ALK: variants seen among roughly 807,000 people sequenced by gnomAD.
The protein encoded by ALK is ALK receptor tyrosine kinase.
A neutral mutation model predicts 163.1 loss-of-function variants in ALK; 74 were observed. The ratio of observed to expected loss-of-function variants is 0.45; its 90% CI spans 0.38 to 0.55. The LOEUF (loss-of-function observed/expected upper bound fraction) is 0.55, where lower values mean the gene tolerates loss of function less well. Among genes scored for constraint, ALK ranks in the 20% least tolerant of loss-of-function variants. The pLI is 0.00. For missense variants in ALK, 2,063 were observed against 2,105.3 expected, an observed-to-expected ratio of 0.98 and a Z score of 0.39; for synonymous variants, 960 against 843.2, an observed-to-expected ratio of 1.14 and a Z score of -2.40.
intron 1 of ALK, among the ~76,000 whole-genome samples, chr2:29,727,308 C>T (rs1254946107): frequency 1.3e-5 from 2 of 152,172 alleles, no homozygotes; most frequent in South Asian, 4.1e-4. Context: ...CCCTCTTTAT[C>T]TACTTGTCAC....
At chr2:29,585,829 C>A (rs1443469377) in intron 3 of ALK, among the ~76,000 whole-genome samples, 1 of 151,696 alleles carries the variant, frequency 6.6e-6, no homozygotes, top group Non-Finnish European at 1.5e-5. Flanking sequence ...ATTAAAAAAT[C>A]TTTCTAGAAA....
intron 1 of ALK, among the ~76,000 whole-genome samples, chr2:29,875,158 T>G (rs1666671863): frequency 6.6e-6 from 1 of 152,294 alleles, no homozygotes; most frequent in Admixed American, 6.5e-5. Flanking sequence ...TGTGGTATAT[T>G]TATACAATGG....
chr2:29,696,622 C>T (rs868223842), intron 2 of ALK, among the ~76,000 whole-genome samples: 9 of 150,232 alleles, frequency 6.0e-5, no homozygotes, highest in African/African-American at 2.0e-4. Flanking sequence ...AAAACCAGAG[C>T]AAACCAGAAC....
At chr2:29,742,938 ACTT>A (rs1468662118) in intron 1 of ALK, among the ~76,000 whole-genome samples, 1 of 152,184 alleles carries the variant, frequency 6.6e-6, no homozygotes, top group East Asian at 1.9e-4. Context: ...AATAACAAAC[ACTT>A]CTTGTACTTT....
intron 9 of ALK, among the ~76,000 whole-genome samples, chr2:29,281,744 G>A (rs1665724310): frequency 1.3e-5 from 2 of 152,174 alleles, no homozygotes; most frequent in Admixed American, 1.3e-4. Flanking sequence ...GTGGCCATCT[G>A]GGCAGTGGGC....
intron 1 of ALK, among the ~76,000 whole-genome samples, chr2:29,783,848 C>T (rs4665479): frequency 0.18 from 27,201 of 152,068 alleles, 2,682 homozygotes; most frequent in East Asian, 0.38. Context: ...AGTGTTGTTA[C>T]GGAGCAGGTG....
rs1410409351 is a variant in ALK, at chr2:29,831,163, A to AGAAGAG, written c.667+88824_667+88829dup. The stretch of plus-strand genomic sequence containing the variant: ...AAGAAGGGGAAGAAGGGGAAGAAGG[A>AGAAGAG]GAAGAGGAAGAGGAAGGGGAAGGGG... On this transcript the variant is annotated intron_variant, in intron 1 of 28. Transcript: ENST00000389048. Among the ~76,000 whole-genome samples the AGAAGAG allele has an allele frequency of 5.9e-4, 24 of 40,904 alleles. 1 individual carries two copies. The highest frequency in any genetic ancestry group is 4.3e-3 in the Admixed American group (12 of 2,786). 26.8% of individuals were successfully genotyped at this position (40,904 alleles called of 152,430 possible).
At chr2:29,900,291 G>A (rs1207622905) in intron 1 of ALK, among the ~76,000 whole-genome samples, 2 of 152,200 alleles carry the variant, frequency 1.3e-5, no homozygotes, top group East Asian at 3.9e-4. Context: ...ATGGAGATGG[G>A]CCACCTAACA....
At chr2:29,820,293 A>G (rs1665013327) in intron 1 of ALK, among the ~76,000 whole-genome samples, 1 of 152,198 alleles carries the variant, frequency 6.6e-6, no homozygotes, top group South Asian at 2.1e-4. Flanking sequence ...AAGTGAGGAC[A>G]TGCCAATGAG....
intron 4 of ALK, among the ~76,000 whole-genome samples, chr2:29,413,495 CA>C (rs1416038537): frequency 2.5e-4 from 38 of 152,012 alleles, no homozygotes; most frequent in African/African-American, 8.9e-4. Context: ...TACAGGTGCA[CA>C]CCACCACATC....
chr2:29,746,602 T>C (rs1024954680), intron 1 of ALK, among the ~76,000 whole-genome samples: 2 of 152,222 alleles, frequency 1.3e-5, no homozygotes, highest in Admixed American at 6.5e-5. Context: ...CCTCCAGCAT[T>C]TCCCTTAGTT....
chr2:29,726,016 G>C (rs1354465688), intron 1 of ALK, among the ~76,000 whole-genome samples: 2 of 152,180 alleles, frequency 1.3e-5, no homozygotes, highest in African/African-American at 4.8e-5. Flanking sequence ...CTGCAGGTGT[G>C]CTTGGTCACT....
chr2:29,220,622 T>C, intron 23 of ALK, 84 bp downstream of exon 23: 1 of 1,598,578 alleles, frequency 6.3e-7, no homozygotes, highest in Non-Finnish European at 8.6e-7. Context: ...AGGAACTTGC[T>C]ACCCAGGCTG....
intron 3 of ALK, among the ~76,000 whole-genome samples, chr2:29,560,397 A>G (rs996710979): frequency 1.3e-5 from 2 of 152,224 alleles, no homozygotes; most frequent in Non-Finnish European, 2.9e-5. Context: ...AGAGACAAGA[A>G]ATAGATTAAG....
chr2:29,623,417 A>G (rs1676093432), intron 3 of ALK, among the ~76,000 whole-genome samples: 1 of 152,232 alleles, frequency 6.6e-6, no homozygotes, highest in Non-Finnish European at 1.5e-5. Flanking sequence ...ATTATGATAA[A>G]ACATTAAATG....
chr2:29,687,962 G>C (rs1678285896), intron 3 of ALK, among the ~76,000 whole-genome samples: 1 of 152,162 alleles, frequency 6.6e-6, no homozygotes. Flanking sequence ...AGATAAGCCA[G>C]TAGGAAATAT....
rs192284890 is a variant in ALK, at chr2:29,581,704, A to G, written c.953-49588T>C. Among the ~76,000 whole-genome samples, 485 of 152,272 alleles carry G rather than the reference A, an allele frequency of 3.2e-3. 1 individual carries two copies. The highest frequency in any genetic ancestry group is 0.011 in the African/African-American group (448 of 41,578). ...CTCCAGGAGATGGTGACCATCCTAG[A>G]TGACCAGGGCAGTGAGGGACCTCAG... On this transcript the variant is annotated intron_variant, in intron 3 of 28. Coordinates refer to ENST00000389048, the MANE Select transcript of ALK (RefSeq NM_004304.5).
intron 3 of ALK, among the ~76,000 whole-genome samples, chr2:29,534,020 G>A (rs1385922274): frequency 6.6e-6 from 1 of 152,188 alleles, no homozygotes; most frequent in South Asian, 2.1e-4. Context: ...GGTAGATGAT[G>A]TTTGGCTGCA....
Position 29,848,393 on chromosome 2 carries a change from G to T in ALK, c.667+71600C>A, listed in dbSNP as rs376985222. Among the ~76,000 whole-genome samples, 10 of 150,384 alleles carry T rather than the reference G, an allele frequency of 6.6e-5. No homozygotes were observed. The East Asian group carries it at 7.8e-4, about 12-fold the overall frequency. ...AGCAAGTTTGAGAACCACTGAGCTA[G>T]ACTTAAAGGAAGGAAGGAAATGAAC... On this transcript the variant is annotated intron_variant, in intron 1 of 28. Transcript: ENST00000389048.
Sources: allele counts gnomAD v4.1 joint callset (sites outside exome capture counted in the v4.1 genomes callset), GRCh38; gene constraint gnomAD v4.1.1; transcripts MANE v1.5; gene names NCBI Gene and HGNC (gene_info 2026-07-23, HGNC 2026-07-21).